FSTL5: variants seen among roughly 807,000 people sequenced by gnomAD.
FSTL5 encodes the protein follistatin-related protein 5.
FSTL5 carries 62 observed loss-of-function variants against 89.1 expected under a neutral mutation model. That is an observed-to-expected ratio of 0.70 (90% confidence interval 0.57 to 0.86). FSTL5 has a LOEUF of 0.86. Ranked by LOEUF, FSTL5 falls within the 40% of genes least tolerant of loss-of-function variation. The probability of loss-of-function intolerance (pLI) is 0.00; values close to 1 mark genes in which losing one functional copy is unlikely to be tolerated. For missense variants in FSTL5, 1,057 were observed against 1,001.6 expected, an observed-to-expected ratio of 1.06 and a Z score of -0.75; for synonymous variants, 383 against 346.2, an observed-to-expected ratio of 1.11 and a Z score of -1.18.
chr4:161,613,079 T>A (rs1387723917), intron 7 of FSTL5, among the ~76,000 whole-genome samples: 2 of 152,168 alleles, frequency 1.3e-5, no homozygotes, highest in African/African-American at 4.8e-5. Context: ...ACCCCAAAGA[T>A]AATCACAGCA....
chr4:161,590,038 C>T (rs547152282), intron 7 of FSTL5, among the ~76,000 whole-genome samples: 4 of 152,158 alleles, frequency 2.6e-5, no homozygotes, highest in African/African-American at 9.6e-5. Flanking sequence ...ATTAGCTCAC[C>T]ACTAAGAGTG....
chr4:161,629,869 C>A (rs906267904), intron 7 of FSTL5, among the ~76,000 whole-genome samples: 2 of 152,122 alleles, frequency 1.3e-5, no homozygotes, highest in Non-Finnish European at 2.9e-5. Context: ...GAAAGCTATC[C>A]CCTGAACGAC....
At chr4:162,065,172 A>G (rs1200022225) in intron 2 of FSTL5, among the ~76,000 whole-genome samples, 2 of 152,054 alleles carry the variant, frequency 1.3e-5, no homozygotes, top group Non-Finnish European at 2.9e-5. Context: ...AAAGCTTAGA[A>G]AAAATCTCTT....
chr4:161,447,765 G>C (rs1257933189), intron 15 of FSTL5, among the ~76,000 whole-genome samples: 1 of 152,098 alleles, frequency 6.6e-6, no homozygotes, highest in East Asian at 1.9e-4. Flanking sequence ...GATTAAGAAA[G>C]TTATCCAGTG....
chr4:161,976,117 CAA>C (rs371745777), intron 3 of FSTL5, among the ~76,000 whole-genome samples: 31 of 65,366 alleles, frequency 4.7e-4, no homozygotes, highest in African/African-American at 1.2e-3. Context: ...GACTCCGCCT[CAA>C]AAAAAAAAAA....
intron 6 of FSTL5, among the ~76,000 whole-genome samples, chr4:161,678,423 A>G (rs1579014668): frequency 6.6e-6 from 1 of 152,016 alleles, no homozygotes; most frequent in Middle Eastern, 3.4e-3. Context: ...TAAGGCCTAC[A>G]TTCTTTCAAG....
intron 12 of FSTL5, among the ~76,000 whole-genome samples, chr4:161,491,705 G>C (rs1360369018): frequency 6.6e-6 from 1 of 152,042 alleles, no homozygotes; most frequent in Non-Finnish European, 1.5e-5. Context: ...GCTGGGCGTG[G>C]TGGCACGCCC....
chr4:161,630,910 A>G (rs1735482299), intron 7 of FSTL5, among the ~76,000 whole-genome samples: 1 of 152,190 alleles, frequency 6.6e-6, no homozygotes, highest in Non-Finnish European at 1.5e-5. Context: ...ATTCTTTCTT[A>G]TAACTTTTAA....
intron 6 of FSTL5, among the ~76,000 whole-genome samples, chr4:161,669,111 C>CAAAAAAAAAAA (rs33950474): frequency 4.8e-5 from 5 of 104,610 alleles, no homozygotes; most frequent in African/African-American, 1.0e-4. Flanking sequence ...GACTCTGTCT[C>CAAAAAAAAAAA]AAAAAAAAAA....
intron 6 of FSTL5, among the ~76,000 whole-genome samples, chr4:161,721,760 C>T (rs554944589): frequency 2.0e-5 from 3 of 152,194 alleles, no homozygotes; most frequent in Non-Finnish European, 2.9e-5. Context: ...TTAAAGTCAC[C>T]GTCCCATATA....
At chr4:161,652,617 C>T (rs150493527) in intron 7 of FSTL5, among the ~76,000 whole-genome samples, 22 of 151,954 alleles carry the variant, frequency 1.4e-4, no homozygotes, top group East Asian at 5.8e-4. Flanking sequence ...TGTATACACA[C>T]GGGATTTCTT....
chr4:161,859,084 G>A (rs1731819893), intron 4 of FSTL5, among the ~76,000 whole-genome samples: 1 of 152,142 alleles, frequency 6.6e-6, no homozygotes, highest in African/African-American at 2.4e-5. Context: ...CTGTTTCCTA[G>A]TTCCTTAGCA....
At chr4:161,605,511 G>A (rs2126629732) in intron 7 of FSTL5, among the ~76,000 whole-genome samples, 1 of 152,182 alleles carries the variant, frequency 6.6e-6, no homozygotes, top group East Asian at 1.9e-4. Flanking sequence ...ACATCTTAGA[G>A]TTTCTCAGTT....
intron 4 of FSTL5, among the ~76,000 whole-genome samples, chr4:161,852,628 T>C (rs897030228): frequency 1.3e-5 from 2 of 152,170 alleles, no homozygotes; most frequent in African/African-American, 2.4e-5. Flanking sequence ...CTCAAAAGAA[T>C]ATAAATCATT....
chr4:161,851,440 A>G (rs973729152), intron 4 of FSTL5, among the ~76,000 whole-genome samples: 1 of 152,202 alleles, frequency 6.6e-6, no homozygotes, highest in Non-Finnish European at 1.5e-5. Flanking sequence ...AGGTGCACAT[A>G]ATCATACAAC....
intron 3 of FSTL5, among the ~76,000 whole-genome samples, chr4:161,957,212 T>C (rs1273760714): frequency 2.0e-5 from 3 of 152,040 alleles, no homozygotes; most frequent in Non-Finnish European, 4.4e-5. Flanking sequence ...TTTTCAATGT[T>C]TAGTTATTTG....
At chr4:161,836,467 AAAAAG>A (rs1304017994) in intron 4 of FSTL5, among the ~76,000 whole-genome samples, 7 of 152,044 alleles carry the variant, frequency 4.6e-5, no homozygotes, top group South Asian at 2.1e-4. Context: ...TAATAAAAAA[AAAAAG>A]AAAAGAAAAG....
In FSTL5 at chr4:161,872,140, G is replaced by GTTTTTTTTTTTTTT. The variant is rs1491313878; in HGVS notation, c.409+48263_409+48264insAAAAAAAAAAAAAA. On this transcript the variant is annotated intron_variant, in intron 4 of 15. Transcript: ENST00000306100. The stretch of plus-strand genomic sequence containing the variant: ...GGCTTTGTAGTTTGTTTTTTTTTTT[G>GTTTTTTTTTTTTTT]GTTTTTTTTTTTTTTTTTGTAGAGA... Among the ~76,000 whole-genome samples, 594 of 67,368 alleles carry GTTTTTTTTTTTTTT rather than the reference G, an allele frequency of 8.8e-3. 7 individuals carry two copies. Among genetic ancestry groups the GTTTTTTTTTTTTTT allele is most frequent in the Middle Eastern group, 0.014 (1 of 74 alleles). 44.2% of individuals were successfully genotyped at this position (67,368 alleles called of 152,430 possible).
chr4:161,869,520 T>C (rs1385258676), intron 4 of FSTL5, among the ~76,000 whole-genome samples: 1 of 152,214 alleles, frequency 6.6e-6, no homozygotes, highest in East Asian at 1.9e-4. Context: ...GAGATTATGC[T>C]AATTTCAGCG....
Sources: gnomAD v4.1 joint callset for allele counts (sites outside exome capture counted in the v4.1 genomes callset) on GRCh38, gnomAD v4.1.1 for gene constraint, MANE v1.5 for transcripts, NCBI Gene and HGNC (gene_info 2026-07-23, HGNC 2026-07-21) for gene names.